Variants in NSD1 observed in about 807,000 individuals in gnomAD.
NSD1 encodes the protein nuclear receptor binding SET domain protein 1, also known as histone-lysine N-methyltransferase, H3 lysine-36 specific.
A neutral mutation model predicts 242.7 loss-of-function variants in NSD1; 26 were observed. The observed-to-expected ratio is 0.11, with a 90% CI of 0.08 to 0.15. The LOEUF (loss-of-function observed/expected upper bound fraction) is 0.15, where lower values mean the gene tolerates loss of function less well. NSD1 is among the 10% of genes least tolerant of loss of function. NSD1 has a pLI of 1.00. For synonymous variants in NSD1, 1,106 were observed against 1,178.1 expected, an observed-to-expected ratio of 0.94 and a Z score of 1.25; for missense variants, 2,495 against 3,272.8, an observed-to-expected ratio of 0.76 and a Z score of 5.80.
intron 18 of NSD1, among the ~76,000 whole-genome samples, chr5:177,281,290 G>C (rs1261765367): frequency 6.6e-6 from 1 of 151,470 alleles, no homozygotes; most frequent in Non-Finnish European, 1.5e-5. Context: ...TTAAAACTTG[G>C]CAGGATCTCT....
intron 5 of NSD1, among the ~76,000 whole-genome samples, chr5:177,213,665 T>C (rs577933661): frequency 6.6e-6 from 1 of 152,044 alleles, no homozygotes; most frequent in East Asian, 1.9e-4. Context: ...AGAGACGGGG[T>C]TTCACTGTGT....
At chr5:177,193,285 C>T (rs760474085) in intron 3 of NSD1, among the ~76,000 whole-genome samples, 4 of 151,994 alleles carry the variant, frequency 2.6e-5, no homozygotes, top group East Asian at 1.9e-4. Context: ...GGACTACAGG[C>T]GTCCGCCACC....
intron 5 of NSD1, among the ~76,000 whole-genome samples, chr5:177,232,176 T>C (rs1455673814): frequency 2.6e-5 from 4 of 152,208 alleles, no homozygotes; most frequent in Non-Finnish European, 5.9e-5. Context: ...TTATGTTTTT[T>C]GATAATTCTG....
chr5:177,166,203 G>A (rs536295402), intron 2 of NSD1, among the ~76,000 whole-genome samples: 17 of 149,058 alleles, frequency 1.1e-4, no homozygotes, highest in African/African-American at 2.5e-4. Flanking sequence ...ATGAGCCACC[G>A]CGCCTGGCCT....
rs77093936 is a variant in NSD1, at chr5:177,135,442, C to T, written c.339C>T (p.Cys113=). The part of the protein sequence containing the change: ...SDSRAQTPIV[C]TSLSPGGPTA... Reference sequence around the variant, plus strand: ...CAAGAGCTCAGACGCCAATTGTTTGCACTTCCTTGAGTCCTGGTGGTCCTA... The same window carrying T: ...CAAGAGCTCAGACGCCAATTGTTTGTACTTCCTTGAGTCCTGGTGGTCCTA... Residue 113 remains cysteine, a synonymous_variant, in exon 2 of 23, where the codon TGC becomes TGT. Coordinates refer to ENST00000439151, the MANE Select transcript of NSD1 (RefSeq NM_022455.5). 1.8e-3 allele frequency: 2,886 copies of T among 1,614,146 alleles called. 55 individuals carry two copies. The East Asian group carries it at 0.019, about 11-fold the overall frequency.
Position 177,294,967 on chromosome 5 carries a change from C to T in NSD1, c.7599C>T (p.Leu2533=). The T allele has an allele frequency of 6.2e-7, 1 of 1,614,262 alleles. No homozygotes were observed. Among genetic ancestry groups the T allele is most frequent in the Non-Finnish European group, 8.5e-7 (1 of 1,180,052 alleles). The change falls in exon 23 of 23, where the codon CTC becomes CTT. Residue 2533 remains leucine, a synonymous_variant. Transcript: ENST00000439151. ...SEDPWQAVKS[L]TQARLLSQPP... ...ACCCCTGGCAAGCTGTTAAATCACT[C>T]ACCCAGGCCAGACTTCTTTCTCAGC...
intron 2 of NSD1, among the ~76,000 whole-genome samples, chr5:177,145,281 A>ATTTTT: frequency 7.2e-6 from 1 of 138,458 alleles, no homozygotes; most frequent in Non-Finnish European, 1.6e-5. Flanking sequence ...ATGTAACAAG[A>ATTTTT]TTTTTTTTTT....
rs1009506449 is a variant in NSD1, at chr5:177,280,550, G to A, written c.5623-15G>A. ...TGACTTGTTTTATGCGGTGTACTTT[G>A]TGTTACTTTTCCAGGTAAACCGTCC... On this transcript the variant is annotated splice_polypyrimidine_tract_variant and intron_variant, in intron 17 of 22. Transcript: ENST00000439151. 1.2e-6 allele frequency: 2 copies of A among 1,614,094 alleles called. No individual in the cohort carries two copies. The highest frequency in any genetic ancestry group is 1.7e-6 in the Non-Finnish European group (2 of 1,180,032).
intron 17 of NSD1, among the ~76,000 whole-genome samples, chr5:177,279,910 C>T (rs1187718178): frequency 6.7e-6 from 1 of 150,122 alleles, no homozygotes; most frequent in African/African-American, 2.4e-5. Flanking sequence ...AGCCACCAGG[C>T]GCGGCTGAAA....
In NSD1 at chr5:177,210,758, T is replaced by A. The variant is rs534672446; in HGVS notation, c.2359T>A (p.Phe787Ile). The A allele has an allele frequency of 1.9e-6, 3 of 1,614,050 alleles. No individual in the cohort carries two copies. The highest frequency in any genetic ancestry group is 2.5e-6 in the Non-Finnish European group (3 of 1,180,034). The change falls in exon 5 of 23, where the codon TTC (phenylalanine) becomes ATC (isoleucine). Residue 787 changes from phenylalanine to isoleucine, a missense_variant. Coordinates refer to ENST00000439151, the MANE Select transcript of NSD1 (RefSeq NM_022455.5). ...LLHSKSKQPK[F>I]RSIKCKHKEN... Reference sequence around the variant, plus strand: ...ACATTCGAAAAGCAAACAGCCCAAGTTCCGAAGTATAAAGTGCAAACACAA... The same window carrying A: ...ACATTCGAAAAGCAAACAGCCCAAGATCCGAAGTATAAAGTGCAAACACAA...
At chr5:177,228,777 T>C (rs550260700) in intron 5 of NSD1, among the ~76,000 whole-genome samples, 4 of 152,350 alleles carry the variant, frequency 2.6e-5, no homozygotes, top group Non-Finnish European at 5.9e-5. Context: ...AAATTAACTT[T>C]ATCCAAGGTA....
Position 177,211,428 on chromosome 5 carries a change from A to G in NSD1, c.3029A>G (p.Lys1010Arg), listed in dbSNP as rs748563813. 6.2e-7 allele frequency: 1 copy of G among 1,614,164 alleles called. No homozygotes were observed. The highest frequency in any genetic ancestry group is 1.3e-5 in the African/African-American group (1 of 75,048). The change falls in exon 5 of 23, where the codon AAA becomes AGA. Residue 1010 changes from lysine (K) to arginine (R), a missense_variant. Lys to Arg is a conservative substitution (Grantham distance 26). Coordinates refer to ENST00000439151, the MANE Select transcript of NSD1 (RefSeq NM_022455.5). ...SDKRDLPASG[K>R]SRSDCVTRRN... ...AAGAGAGACCTCCCTGCTTCTGGTA[A>G]AAGTCGTTCAGACTGTGTTACTAGG...
At chr5:177,136,168 G>A (rs1238720620) in intron 2 of NSD1, 138 bp downstream of exon 2, 2 of 729,976 alleles carry the variant, frequency 2.7e-6, no homozygotes, top group Non-Finnish European at 4.5e-6. Flanking sequence ...ATAAGCTTTG[G>A]GCAAAATTTT....
At chr5:177,178,963 A>G (rs991525123) in intron 2 of NSD1, among the ~76,000 whole-genome samples, 1 of 152,218 alleles carries the variant, frequency 6.6e-6, no homozygotes, top group Non-Finnish European at 1.5e-5. Context: ...GTAGGGGTAA[A>G]GTAGACCCAA....
chr5:177,300,148 A>C lies in NSD1; in HGVS notation c.*4689A>C. 1 of 227,538 alleles carries C rather than the reference A, an allele frequency of 4.4e-6. No individual in the cohort carries two copies. 14.1% of individuals were successfully genotyped at this position (227,538 alleles called of 1,614,324 possible). ...CCCTGTGTTAGGAGTCCCCATAAACATGTACTGTAATTCTTTGTATATAGA... is the reference window on the plus strand; with the variant it reads ...CCCTGTGTTAGGAGTCCCCATAAACCTGTACTGTAATTCTTTGTATATAGA... On this transcript the variant is annotated 3_prime_UTR_variant, in exon 23 of 23. Coordinates refer to ENST00000439151, the MANE Select transcript of NSD1 (RefSeq NM_022455.5).
At chr5:177,196,925 A>G (rs1762141146) in intron 3 of NSD1, among the ~76,000 whole-genome samples, 1 of 152,230 alleles carries the variant, frequency 6.6e-6, no homozygotes, top group Admixed American at 6.5e-5. Flanking sequence ...TCCCATATAT[A>G]TAATGTTTTT....
rs900208499 is a variant in NSD1, at chr5:177,295,977, T to A, written c.*518T>A. 6 of 261,582 alleles carry A rather than the reference T, an allele frequency of 2.3e-5. No homozygotes were observed. Among genetic ancestry groups the A allele is most frequent in the African/African-American group, 1.3e-4 (6 of 46,078 alleles). 16.2% of individuals were successfully genotyped at this position (261,582 alleles called of 1,614,324 possible). A position where few individuals can be genotyped will look rare whatever the true frequency, so the allele number is the denominator to read the frequency against. ...AGGCCTCATCCCTGTGAGCCTGGAT[T>A]CCAAGGCTTTCAGGAACCTTTGACC... On this transcript the variant is annotated 3_prime_UTR_variant, in exon 23 of 23. Coordinates refer to ENST00000439151, the MANE Select transcript of NSD1 (RefSeq NM_022455.5). This position sits in a 1 kb window ranked among gnomAD's most constrained non-coding sequence, Gnocchi z 4.3.
chr5:177,220,811 T>C (rs1581359598), intron 5 of NSD1, among the ~76,000 whole-genome samples: 1 of 152,154 alleles, frequency 6.6e-6, no homozygotes, highest in East Asian at 1.9e-4. Flanking sequence ...CCTCAAGTGA[T>C]CCACCTGCCT....
chr5:177,172,338 G>T (rs1446778431), intron 2 of NSD1, among the ~76,000 whole-genome samples: 1 of 151,610 alleles, frequency 6.6e-6, no homozygotes, highest in Admixed American at 6.6e-5. Flanking sequence ...TTTTATAATT[G>T]TCTTTTTTTT....
Sources: allele counts gnomAD v4.1 joint callset (sites outside exome capture counted in the v4.1 genomes callset), GRCh38; gene constraint gnomAD v4.1.1; non-coding constraint Gnocchi (gnomAD v3.1); transcripts MANE v1.5; gene names NCBI Gene and HGNC (gene_info 2026-07-23, HGNC 2026-07-21).